Variants in KCNIP4 observed in about 807,000 individuals in gnomAD.
The protein encoded by KCNIP4 is Kv channel-interacting protein 4.
In KCNIP4, 12 loss-of-function variants were observed where a neutral mutation model predicts 34.0. The observed-to-expected ratio is 0.35, with a 90% confidence interval of 0.23 to 0.57. The LOEUF (loss-of-function observed/expected upper bound fraction) is 0.57, where lower values mean the gene tolerates loss of function less well. KCNIP4 is among the 20% of genes least tolerant of loss of function. KCNIP4 has a pLI of 0.83. For synonymous variants in KCNIP4, 124 were observed against 102.2 expected (o/e 1.21, Z -1.29); for missense variants, 238 against 311.7 (o/e 0.76, Z 1.78).
chr4:20,917,493 C>T (rs1728966982), intron 1 of KCNIP4, among the ~76,000 whole-genome samples: 1 of 152,138 alleles, frequency 6.6e-6, no homozygotes, highest in African/African-American at 2.4e-5. Context: ...CGTGGTCCTG[C>T]CCTCAGGAAG....
chr4:20,947,606 G>A (rs939516279), intron 1 of KCNIP4, among the ~76,000 whole-genome samples: 1 of 152,114 alleles, frequency 6.6e-6, no homozygotes, highest in Non-Finnish European at 1.5e-5. Flanking sequence ...ATATGCAAAT[G>A]ATTATTGCCG....
chr4:21,873,025 C>A (rs1413789276), intron 1 of KCNIP4, among the ~76,000 whole-genome samples: 4 of 152,116 alleles, frequency 2.6e-5, no homozygotes, highest in Non-Finnish European at 5.9e-5. Context: ...TCATTGATAT[C>A]ATTAGTAAAA....
At chr4:21,783,361 C>T (rs964760318) in intron 1 of KCNIP4, among the ~76,000 whole-genome samples, 6 of 151,804 alleles carry the variant, frequency 4.0e-5, no homozygotes, top group Non-Finnish European at 7.4e-5. Flanking sequence ...AAATGAGAAA[C>T]AAAGCACCAG....
intron 1 of KCNIP4, among the ~76,000 whole-genome samples, chr4:21,126,973 C>G: frequency 6.6e-6 from 1 of 152,156 alleles, no homozygotes; most frequent in East Asian, 1.9e-4. Flanking sequence ...AATAGCAAGT[C>G]CTAAATTCTC....
At chr4:21,331,293 G>A (rs77040047) in intron 1 of KCNIP4, among the ~76,000 whole-genome samples, 2,864 of 151,972 alleles carry the variant, frequency 0.019, 92 homozygotes, top group African/African-American at 0.055. Flanking sequence ...CCCTCAAGAT[G>A]CTTTTTAAAA....
chr4:21,304,347 G>T (rs570429024), intron 1 of KCNIP4, among the ~76,000 whole-genome samples: 5 of 152,178 alleles, frequency 3.3e-5, no homozygotes, highest in Non-Finnish European at 7.4e-5. Flanking sequence ...GGACCCAGGA[G>T]GTCACCAGGA....
At chr4:21,053,683 G>A (rs1278513592) in intron 1 of KCNIP4, among the ~76,000 whole-genome samples, 1 of 152,130 alleles carries the variant, frequency 6.6e-6, no homozygotes. Flanking sequence ...TACAAGATTA[G>A]TTTATAAAAG....
chr4:21,825,072 G>T (rs956504778), intron 1 of KCNIP4, among the ~76,000 whole-genome samples: 1 of 152,132 alleles, frequency 6.6e-6, no homozygotes, highest in African/African-American at 2.4e-5. Flanking sequence ...AATTTTGGTA[G>T]TGTTCAAGCT....
Position 21,873,620 on chromosome 4 carries a change from T to C in KCNIP4, c.61+74951A>G, listed in dbSNP as rs182091737. Among the ~76,000 whole-genome samples the C allele has an allele frequency of 2.6e-5, 4 of 152,314 alleles. No individual in the cohort carries two copies. In the East Asian group the frequency reaches 7.7e-4, roughly 29 times the overall value. On this transcript the variant is annotated intron_variant, in intron 1 of 8. Transcript: ENST00000382152. Reference sequence around the variant, plus strand: ...GAATTATTACTATTGGACAAAATCATGAGACTAAACATTTAGGACAATCTA... The same window carrying C: ...GAATTATTACTATTGGACAAAATCACGAGACTAAACATTTAGGACAATCTA...
At chr4:21,825,583 G>T (rs1409702623) in intron 1 of KCNIP4, among the ~76,000 whole-genome samples, 1 of 152,130 alleles carries the variant, frequency 6.6e-6, no homozygotes, top group African/African-American at 2.4e-5. Context: ...ATGACATGAA[G>T]TATGTGAAGA....
chr4:21,723,411 T>C (rs10030629), intron 1 of KCNIP4, among the ~76,000 whole-genome samples: 61,405 of 151,942 alleles, frequency 0.4, 14,683 homozygotes, highest in East Asian at 0.67. Flanking sequence ...TTTAAACCCA[T>C]AGCCAGCTAA....
chr4:21,059,688 T>A (rs1446273704), intron 1 of KCNIP4, among the ~76,000 whole-genome samples: 2 of 152,146 alleles, frequency 1.3e-5, no homozygotes, highest in African/African-American at 4.8e-5. Flanking sequence ...TAGTTATAGA[T>A]TCTAGAGATC....
chr4:20,784,726 G>A (rs770861353), intron 3 of KCNIP4, among the ~76,000 whole-genome samples: 4 of 152,004 alleles, frequency 2.6e-5, no homozygotes, highest in Non-Finnish European at 5.9e-5. Flanking sequence ...TATAAAATTG[G>A]CACAGCATCT....
At chr4:20,954,788 A>C (rs1305510658) in intron 1 of KCNIP4, among the ~76,000 whole-genome samples, 1 of 152,198 alleles carries the variant, frequency 6.6e-6, no homozygotes, top group Non-Finnish European at 1.5e-5. Context: ...GCTGGCTGGC[A>C]AGATAAAGTC....
intron 1 of KCNIP4, among the ~76,000 whole-genome samples, chr4:21,373,430 G>T (rs1480036979): frequency 3.4e-5 from 5 of 147,510 alleles, no homozygotes; most frequent in African/African-American, 1.3e-4. Flanking sequence ...AACTAAAAAG[G>T]TCTGAGAGAC....
rs545407866 is a variant in KCNIP4 at position 20,982,695 on chromosome 4, G to A, written c.62-99986C>T. ...GACTTTCTGAAGATAAGATACATTG[G>A]CCATCATTAACATATTAAGAGAAAC... On this transcript the variant is annotated intron_variant, in intron 1 of 8. Coordinates refer to ENST00000382152, the MANE Select transcript of KCNIP4 (RefSeq NM_025221.6). Among the ~76,000 whole-genome samples the A allele has an allele frequency of 1.2e-4, 19 of 152,278 alleles. 1 individual carries two copies. The South Asian group carries it at 3.3e-3, about 27-fold the overall frequency.
chr4:21,434,337 G>C (rs1255667057), intron 1 of KCNIP4, among the ~76,000 whole-genome samples: 1 of 152,162 alleles, frequency 6.6e-6, no homozygotes, highest in Non-Finnish European at 1.5e-5. Context: ...AAGAGGGTTG[G>C]ATAAGGGACA....
At chr4:21,477,629 A>G (rs1731096053) in intron 1 of KCNIP4, among the ~76,000 whole-genome samples, 1 of 152,188 alleles carries the variant, frequency 6.6e-6, no homozygotes, top group Non-Finnish European at 1.5e-5. Context: ...TTTTTCATTT[A>G]AGAGAGCAAT....
chr4:21,192,952 C>CTAATAATAA (rs147687940), intron 1 of KCNIP4, among the ~76,000 whole-genome samples: 5 of 145,118 alleles, frequency 3.4e-5, no homozygotes, highest in African/African-American at 1.3e-4. Flanking sequence ...ACTACTACTA[C>CTAATAATAA]TAATAATAAT....
Sources: allele counts gnomAD v4.1 joint callset (sites outside exome capture counted in the v4.1 genomes callset), GRCh38; gene constraint gnomAD v4.1.1; transcripts MANE v1.5; gene names NCBI Gene and HGNC (gene_info 2026-07-23, HGNC 2026-07-21).